The following SLC3A2 variants were observed in gnomAD, a reference collection of about 807,000 sequenced individuals.
SLC3A2 encodes the protein solute carrier family 3 member 2.
Under a neutral mutation model 48.5 loss-of-function variants are expected in SLC3A2, and 32 were observed. That is an observed-to-expected ratio of 0.66 (90% CI 0.50 to 0.89). The LOEUF (loss-of-function observed/expected upper bound fraction) is 0.89, where lower values mean the gene tolerates loss of function less well. Among genes scored for constraint, SLC3A2 ranks in the 40% least tolerant of loss-of-function variants. The pLI, the probability that SLC3A2 is intolerant of heterozygous loss-of-function variation, is 0.00. For synonymous variants in SLC3A2, 277 were observed against 288.8 expected, an observed-to-expected ratio of 0.96 and a Z score of 0.41; for missense variants, 587 against 680.7, an observed-to-expected ratio of 0.86 and a Z score of 1.53.
Position 62,881,173 on chromosome 11 carries a change from C to T in SLC3A2, c.150C>T (p.Asp50=). The stretch of plus-strand genomic sequence containing the variant: ...TGGTGAAGATCAAGGTGGCGGAAGA[C>T]GAGGCGGAGGCGGCAGCCGCGGCTA... The part of the protein sequence containing the change: ...NGLVKIKVAE[D]EAEAAAAAKF... The change falls in exon 1 of 9, where the codon GAC becomes GAT. Residue 50 remains aspartate (D), a synonymous_variant. Coordinates refer to ENST00000338663, the MANE Select transcript of SLC3A2 (RefSeq NM_001013251.3). The surrounding 1 kb of genome is among the most constrained non-coding windows in gnomAD (Gnocchi z 4.0). The T allele has an allele frequency of 3.8e-6, 6 of 1,595,540 alleles. No individual in the cohort carries two copies. The highest frequency in any genetic ancestry group is 5.1e-6 in the Non-Finnish European group (6 of 1,173,268).
At chr11:62,880,377 G>GGA, upstream of SLC3A2, 1 of 152,432 alleles carries the variant, frequency 6.6e-6, no homozygotes. Flanking sequence ...CACGGAAGCA[G>GGA]AGGTCTAGCA....
At chr11:62,878,594 T>C (rs2085593781), upstream of SLC3A2, among the ~76,000 whole-genome samples, 2 of 150,736 alleles carry the variant, frequency 1.3e-5, no homozygotes, top group Non-Finnish European at 1.5e-5. Context: ...GCCTCCTAAG[T>C]AGCTGGGACT....
chr11:62,864,433 C>T (rs2085431434), intron 1 of SLC3A2, among the ~76,000 whole-genome samples: 2 of 151,892 alleles, frequency 1.3e-5, no homozygotes, highest in Admixed American at 6.6e-5. Flanking sequence ...AGGCTATAGG[C>T]GCGCACCAGC....
In SLC3A2 at chr11:62,859,759, G is replaced by T. The variant is rs577077921; in HGVS notation, c.112+3378G>T. 2.9e-3 allele frequency among the ~76,000 whole-genome samples: 446 copies of T among 152,272 alleles called. 3 individuals carry two copies. The highest frequency in any genetic ancestry group is 9.4e-3 in the African/African-American group (390 of 41,544). ...TTTGATTGTGAGTTTGCAACCTCTT[G>T]TGAGTGACATAGAATCTACTAGAAA... On this transcript the variant is annotated intron_variant, in intron 1 of 9. Coordinates refer to the SLC3A2 transcript ENST00000377889.
At chr11:62,885,742 A>T (rs1283253233) in intron 7 of SLC3A2, 134 bp downstream of exon 7, 2 of 994,068 alleles carry the variant, frequency 2.0e-6, no homozygotes, top group Non-Finnish European at 3.0e-6. Context: ...CTGAGTGGCT[A>T]TGTGGCTTTG....
chr11:62,861,843 G>A (rs901567558), intron 1 of SLC3A2, among the ~76,000 whole-genome samples: 10 of 150,756 alleles, frequency 6.6e-5, no homozygotes, highest in Non-Finnish European at 8.9e-5. Context: ...TGAGAAAGGC[G>A]GAGGATGCGG....
chr11:62,881,795 C>T lies in SLC3A2; in HGVS notation c.425-98C>T. 1 of 1,408,808 alleles carries T rather than the reference C, an allele frequency of 7.1e-7. No individual in the cohort carries two copies. Among genetic ancestry groups the T allele is most frequent in the African/African-American group, 1.4e-5 (1 of 69,770 alleles). 87.3% of individuals were successfully genotyped at this position (1,408,808 alleles called of 1,614,324 possible). A position where few individuals can be genotyped will look rare whatever the true frequency, so the allele number is the denominator to read the frequency against. On this transcript the variant is annotated intron_variant, in intron 1 of 8. Coordinates refer to ENST00000338663, the MANE Select transcript of SLC3A2 (RefSeq NM_001013251.3). The surrounding 1 kb of genome is among the most constrained non-coding windows in gnomAD (Gnocchi z 4.0). ...TTGCCTCCCTCTCTCCCCCTTTGCCCCCTCCCCGTCCCACCCTTAGGCGCT... is the reference window on the plus strand; with the variant it reads ...TTGCCTCCCTCTCTCCCCCTTTGCCTCCTCCCCGTCCCACCCTTAGGCGCT...
chr11:62,882,206 A>T, intron 2 of SLC3A2, 140 bp downstream of exon 2: 2 of 962,506 alleles, frequency 2.1e-6, no homozygotes, highest in Non-Finnish European at 3.1e-6. Flanking sequence ...GTTAGTCTTC[A>T]GCCTAAAATG....
intron 1 of SLC3A2, among the ~76,000 whole-genome samples, chr11:62,863,907 C>T (rs1382469338): frequency 1.3e-5 from 2 of 152,162 alleles, no homozygotes; most frequent in East Asian, 1.9e-4. Flanking sequence ...ATAAGTTCTA[C>T]ACTGAATCTT....
At chr11:62,884,309 A>AGGCAG (rs1590635634) in intron 3 of SLC3A2, 148 bp from the exon 4 acceptor site, 1 of 739,262 alleles carries the variant, frequency 1.4e-6, no homozygotes, top group East Asian at 2.6e-5. Context: ...AAGCCTTTGT[A>AGGCAG]GTGCAGGTGG....
chr11:62,886,170 G>A lies in SLC3A2; in HGVS notation c.1143+562G>A, dbSNP rs1258337568. 4.6e-5 allele frequency among the ~76,000 whole-genome samples: 7 copies of A among 152,160 alleles called. No homozygotes were observed. In the South Asian group the frequency reaches 1.5e-3, roughly 32 times the overall value. ...CCAGGTGTGGTGGTGCACGCCTGTAGTCCCAGCTACTGGGGAGGCTGAGGC... is the reference window on the plus strand; with the variant it reads ...CCAGGTGTGGTGGTGCACGCCTGTAATCCCAGCTACTGGGGAGGCTGAGGC... On this transcript the variant is annotated intron_variant, in intron 7 of 8. Transcript: ENST00000338663.
chr11:62,874,146 G>A (rs2085547323), intron 1 of SLC3A2, among the ~76,000 whole-genome samples: 1 of 151,800 alleles, frequency 6.6e-6, no homozygotes. Flanking sequence ...GAGGGCCAGG[G>A]GAGGGAGAAA....
chr11:62,887,961 T>C lies in SLC3A2; in HGVS notation c.1144-174T>C, dbSNP rs540696951. On this transcript the variant is annotated intron_variant, in intron 7 of 8. Coordinates refer to ENST00000338663, the MANE Select transcript of SLC3A2 (RefSeq NM_001013251.3). The stretch of plus-strand genomic sequence containing the variant: ...GGATGTAACACTACACCCAGCTAAT[T>C]TTTAAAAATTTTGTAGTAGAGATGA... The C allele has an allele frequency of 1.6e-5, 9 of 579,286 alleles. No individual in the cohort carries two copies. The African/African-American group carries it at 1.7e-4, about 11-fold the overall frequency. The allele number at this position is 579,286 out of a possible 1,614,324, so 35.9% of individuals were successfully genotyped here. A position where few individuals can be genotyped will look rare whatever the true frequency, so the allele number is the denominator to read the frequency against.
rs115187197 is a variant in SLC3A2, at chr11:62,884,489, G to A, written c.723G>A (p.Val241=). The A allele has an allele frequency of 1.7e-5, 28 of 1,614,198 alleles. No homozygotes were observed. The highest frequency in any genetic ancestry group is 4.5e-5 in the East Asian group (2 of 44,888). Residue 241 remains valine (V), a synonymous_variant, in exon 4 of 9, where the codon GTG becomes GTA. Coordinates refer to ENST00000338663, the MANE Select transcript of SLC3A2 (RefSeq NM_001013251.3). ...TGGAGTTTTGGCTGCAAGCTGGCGTGGATGGGTTCCAGGTTCGGGACATAG... is the reference window on the plus strand; with the variant it reads ...TGGAGTTTTGGCTGCAAGCTGGCGTAGATGGGTTCCAGGTTCGGGACATAG... ...DALEFWLQAG[V]DGFQVRDIEN...
At chr11:62,885,676 G>C in intron 7 of SLC3A2, 68 bp downstream of exon 7, 1 of 1,562,716 alleles carries the variant, frequency 6.4e-7, no homozygotes, top group Non-Finnish European at 8.8e-7. Context: ...TTCTGGGGAT[G>C]GCGGCACATA....
intron 1 of SLC3A2, among the ~76,000 whole-genome samples, chr11:62,869,009 C>T (rs1326935242): frequency 1.3e-5 from 2 of 151,934 alleles, no homozygotes; most frequent in Non-Finnish European, 2.9e-5. Context: ...AGTGATTCTC[C>T]CACCTCAGCC....
intron 1 of SLC3A2, among the ~76,000 whole-genome samples, chr11:62,868,700 C>T (rs7935096): frequency 0.017 from 2,631 of 152,160 alleles, 61 homozygotes; most frequent in African/African-American, 0.059. Flanking sequence ...TTGCAAATTG[C>T]TCTCCTAGAA....
At chr11:62,858,921 C>G (rs942763328) in intron 1 of SLC3A2, among the ~76,000 whole-genome samples, 2 of 152,248 alleles carry the variant, frequency 1.3e-5, no homozygotes, top group African/African-American at 4.8e-5. Flanking sequence ...TTTTCCCTAT[C>G]TCAGTAGATG....
chr11:62,859,777 A>G (rs994811684), intron 1 of SLC3A2, among the ~76,000 whole-genome samples: 11 of 151,538 alleles, frequency 7.3e-5, no homozygotes, highest in African/African-American at 2.7e-4. Context: ...CATAGAATCT[A>G]CTAGAAAAGA....
Sources: allele counts gnomAD v4.1 joint callset (sites outside exome capture counted in the v4.1 genomes callset), GRCh38; gene constraint gnomAD v4.1.1; non-coding constraint Gnocchi (gnomAD v3.1); transcripts MANE v1.5; gene names NCBI Gene and HGNC (gene_info 2026-07-23, HGNC 2026-07-21).